Variants in CPQ observed in about 807,000 individuals in gnomAD.
CPQ encodes Ser-Met dipeptidase.
Under a neutral mutation model 45.7 loss-of-function variants are expected in CPQ, and 37 were observed. That is an observed-to-expected ratio of 0.81 (90% CI 0.62 to 1.07). The LOEUF is 1.07. Ranked by LOEUF, CPQ falls within the 50% of genes least tolerant of loss-of-function variation. CPQ has a pLI of 0.00. For missense variants in CPQ, 537 were observed against 572.9 expected, an observed-to-expected ratio of 0.94 and a Z score of 0.64; for synonymous variants, 186 against 205.8, an observed-to-expected ratio of 0.90 and a Z score of 0.82.
At position 96,855,027 on chromosome 8, in the gene CPQ, G is replaced by C. The variant is rs560228499; in HGVS notation, c.641+19847G>C. ...CATATAAAACATTCTGAAATTCAAG[G>C]CTTGATATCCCAGTTTGAGGGCAGC... On this transcript the variant is annotated intron_variant, in intron 3 of 7. Transcript: ENST00000220763. 1.8e-4 allele frequency among the ~76,000 whole-genome samples: 27 copies of C among 152,246 alleles called. 1 individual carries two copies. Among genetic ancestry groups the C allele is most frequent in the South Asian group, 1.2e-3 (6 of 4,824 alleles).
chr8:96,927,752 C>T (rs1166226203), intron 4 of CPQ, among the ~76,000 whole-genome samples: 1 of 152,186 alleles, frequency 6.6e-6, no homozygotes. Flanking sequence ...AACCTAGAAA[C>T]ACATCAGAGA....
intron 1 of CPQ, among the ~76,000 whole-genome samples, chr8:96,751,798 T>C (rs1810265897): frequency 6.6e-6 from 1 of 152,218 alleles, no homozygotes; most frequent in Non-Finnish European, 1.5e-5. Context: ...TTAATCCATC[T>C]TGAGTTAATT....
At chr8:97,014,224 C>T (rs1258045161) in intron 5 of CPQ, among the ~76,000 whole-genome samples, 2 of 151,994 alleles carry the variant, frequency 1.3e-5, no homozygotes, top group Non-Finnish European at 2.9e-5. Flanking sequence ...GGGGAGAGTT[C>T]CAGGGATGTT....
intron 4 of CPQ, among the ~76,000 whole-genome samples, chr8:96,929,745 A>C (rs1389408548): frequency 6.6e-6 from 1 of 152,198 alleles, no homozygotes; most frequent in Admixed American, 6.5e-5. Context: ...CACCCAAATG[A>C]ATTCTACTCT....
At position 96,716,163 on chromosome 8, in the gene CPQ, G is replaced by A. The variant is rs557764906; in HGVS notation, c.-34-68701G>A. 1.9e-4 allele frequency among the ~76,000 whole-genome samples: 29 copies of A among 152,290 alleles called. No homozygotes were observed. The East Asian group carries it at 4.4e-3, about 23-fold the overall frequency. ...TGCACAAGTTTTCTCTGGCCTGGGC[G>A]CTGTGTCATTTTAACTGCAGATGGT... is the stretch of plus-strand genomic sequence containing the variant. On this transcript the variant is annotated intron_variant, in intron 1 of 7. Coordinates refer to ENST00000220763, the MANE Select transcript of CPQ (RefSeq NM_016134.4).
At chr8:96,740,883 T>A (rs1453046597) in intron 1 of CPQ, among the ~76,000 whole-genome samples, 3 of 152,192 alleles carry the variant, frequency 2.0e-5, no homozygotes, top group South Asian at 2.1e-4. Context: ...TATTGAGGAT[T>A]TTTGCATCAA....
rs77011170 is a variant in CPQ, at chr8:97,053,487, G to A, written c.1054-12522G>A. Among the ~76,000 whole-genome samples the A allele has an allele frequency of 1.4e-3, 213 of 152,288 alleles. 2 individuals are homozygous for A. In the East Asian group the frequency reaches 0.038, roughly 27 times the overall value. On this transcript the variant is annotated intron_variant, in intron 6 of 7. Coordinates refer to ENST00000220763, the MANE Select transcript of CPQ (RefSeq NM_016134.4). ...GAAGAGGAGAGCCACGTGGATACCT[G>A]GAGGAGAGCATTCTAGCGAAGATGG...
At chr8:96,774,378 T>G (rs1012714412) in intron 1 of CPQ, among the ~76,000 whole-genome samples, 1 of 152,156 alleles carries the variant, frequency 6.6e-6, no homozygotes, top group Non-Finnish European at 1.5e-5. Context: ...GAAACAGATG[T>G]TTTAAGCCAA....
At chr8:97,130,970 C>T (rs1034145218) in intron 7 of CPQ, among the ~76,000 whole-genome samples, 15 of 152,212 alleles carry the variant, frequency 9.9e-5, no homozygotes, top group East Asian at 9.6e-4. Flanking sequence ...CCAAATGGGA[C>T]GCTGCCAGGT....
chr8:96,919,342 A>C (rs1455372024), intron 4 of CPQ, among the ~76,000 whole-genome samples: 1 of 151,902 alleles, frequency 6.6e-6, no homozygotes, highest in Non-Finnish European at 1.5e-5. Context: ...CACATGCCAT[A>C]CTCTTGTCAT....
intron 1 of CPQ, among the ~76,000 whole-genome samples, chr8:96,669,585 G>C (rs1433773028): frequency 6.6e-6 from 1 of 151,914 alleles, no homozygotes; most frequent in Non-Finnish European, 1.5e-5. Context: ...AAAACCTAGA[G>C]AAACAAAAAA....
chr8:97,100,481 C>A (rs995665157), intron 7 of CPQ, among the ~76,000 whole-genome samples: 4 of 152,096 alleles, frequency 2.6e-5, no homozygotes, highest in Non-Finnish European at 5.9e-5. Context: ...TCAGAGGAAT[C>A]ATGCAATGGA....
At chr8:96,880,175 C>T (rs1476836577) in intron 4 of CPQ, among the ~76,000 whole-genome samples, 170 bp downstream of exon 4, 3 of 152,000 alleles carry the variant, frequency 2.0e-5, no homozygotes, top group Non-Finnish European at 4.4e-5. Context: ...ACCATGTTTA[C>T]CATCTCACAC....
chr8:96,672,520 T>TG (rs1241919153), intron 1 of CPQ, among the ~76,000 whole-genome samples: 2 of 152,068 alleles, frequency 1.3e-5, no homozygotes, highest in Non-Finnish European at 2.9e-5. Flanking sequence ...TTGCTAGGAT[T>TG]GGGGAGTTGT....
At chr8:96,921,875 A>G (rs1812812485) in intron 4 of CPQ, among the ~76,000 whole-genome samples, 3 of 152,208 alleles carry the variant, frequency 2.0e-5, no homozygotes, top group Non-Finnish European at 2.9e-5. Flanking sequence ...AACGGTGACT[A>G]TGTGGAAGTA....
chr8:96,714,445 A>C (rs568291731), intron 1 of CPQ, among the ~76,000 whole-genome samples: 1 of 152,152 alleles, frequency 6.6e-6, no homozygotes, highest in East Asian at 1.9e-4. Flanking sequence ...TTTCCTCTGC[A>C]TTTTGTAATT....
At chr8:97,090,129 C>A (rs990826700) in intron 7 of CPQ, among the ~76,000 whole-genome samples, 4 of 152,154 alleles carry the variant, frequency 2.6e-5, no homozygotes, top group Non-Finnish European at 5.9e-5. Context: ...TTACTTCACA[C>A]GAATGGATGT....
chr8:96,878,064 G>A (rs574433754), intron 3 of CPQ, among the ~76,000 whole-genome samples: 130 of 152,224 alleles, frequency 8.5e-4, no homozygotes, highest in Non-Finnish European at 1.4e-3. Flanking sequence ...CTGGGTTCAA[G>A]TGATTCTCCT....
chr8:96,842,519 G>GA (rs10679097), intron 3 of CPQ, among the ~76,000 whole-genome samples: 1 of 12,246 alleles, frequency 8.2e-5, no homozygotes, highest in African/African-American at 4.4e-4. Context: ...CATGCAGGTG[G>GA]GGCCACTGTG....
Sources: allele counts gnomAD v4.1 joint callset (sites outside exome capture counted in the v4.1 genomes callset), GRCh38; gene constraint gnomAD v4.1.1; transcripts MANE v1.5; gene names NCBI Gene and HGNC (gene_info 2026-07-23, HGNC 2026-07-21).